The following IRAG2 variants were observed in gnomAD, a reference collection of about 807,000 sequenced individuals.
IRAG2 encodes the protein lymphoid restricted membrane protein.
Under a neutral mutation model 69.9 loss-of-function variants are expected in IRAG2, and 45 were observed. The ratio of observed to expected loss-of-function variants is 0.64; its 90% CI spans 0.51 to 0.83. The LOEUF is 0.83. IRAG2 is among the 40% of genes least tolerant of loss of function. The pLI, the probability that IRAG2 is intolerant of heterozygous loss-of-function variation, is 0.00. For synonymous variants in IRAG2, 193 were observed against 202.4 expected (o/e 0.95, Z 0.40); for missense variants, 520 against 587.0 (o/e 0.89, Z 1.18).
At chr12:25,102,495 T>G in intron 17 of IRAG2, 1 of 460,156 alleles carries the variant, frequency 2.2e-6, no homozygotes, top group Non-Finnish European at 3.9e-6. Flanking sequence ...TGGAAGTGGG[T>G]AACCCGACAA....
chr12:25,019,898 C>T (rs569123305), intron 6 of IRAG2, among the ~76,000 whole-genome samples: 104 of 152,246 alleles, frequency 6.8e-4, no homozygotes, highest in Middle Eastern at 3.4e-3. Context: ...TTCTAGTTAC[C>T]TAAAAGCCAG....
chr12:25,089,849 A>C lies in IRAG2; in HGVS notation c.465+59A>C, dbSNP rs369885466. The C allele has an allele frequency of 9.7e-5, 150 of 1,540,860 alleles. 1 individual carries two copies. The highest frequency in any genetic ancestry group is 9.2e-5 in the Non-Finnish European group (103 of 1,117,562). ...AAAGTGTTCCAGACTCACCTGCTACAGTCACTTCATGTTTTGGCACAAGCT... is the reference window on the plus strand; with the variant it reads ...AAAGTGTTCCAGACTCACCTGCTACCGTCACTTCATGTTTTGGCACAAGCT... On this transcript the variant is annotated intron_variant, in intron 13 of 21. Coordinates refer to ENST00000556887, the MANE Select transcript of IRAG2 (RefSeq NM_001366544.2).
At position 25,088,164 on chromosome 12, in the gene IRAG2, A is replaced by T. The variant is rs1353699301; in HGVS notation, c.373+7A>T. 6.2e-7 allele frequency: 1 copy of T among 1,610,760 alleles called. No individual in the cohort carries two copies. Among genetic ancestry groups the T allele is most frequent in the East Asian group, 2.2e-5 (1 of 44,838 alleles). The stretch of plus-strand genomic sequence containing the variant: ...AAAGAACATGCTTCAGGAGGTAAGG[A>T]ATGTTTCTTTCAATCCCCATGTGAA... On this transcript the variant is annotated splice_region_variant and intron_variant, in intron 11 of 21. Transcript: ENST00000556887.
At chr12:25,012,317 G>C (rs560159115) in intron 3 of IRAG2, among the ~76,000 whole-genome samples, 1 of 151,522 alleles carries the variant, frequency 6.6e-6, no homozygotes, top group Non-Finnish European at 1.5e-5. Context: ...ACCATGCCCG[G>C]CTAATGCTTG....
At chr12:25,097,883 C>T (rs1948515324) in intron 15 of IRAG2, among the ~76,000 whole-genome samples, 2 of 152,202 alleles carry the variant, frequency 1.3e-5, no homozygotes, top group African/African-American at 4.8e-5. Flanking sequence ...TTTGTATTTG[C>T]ATTCACATTT....
chr12:25,075,546 GTGTGTGTGTGTA>G (rs1478411836), intron 6 of IRAG2, among the ~76,000 whole-genome samples: 19 of 147,018 alleles, frequency 1.3e-4, no homozygotes, highest in South Asian at 2.2e-4. Flanking sequence ...GTGTGTGTGT[GTGTGTGTGTGTA>G]TGTGTGTCTC....
At chr12:25,107,741 C>A in intron 21 of IRAG2, 76 bp from the exon 22 acceptor site, 3 of 1,402,676 alleles carry the variant, frequency 2.1e-6, no homozygotes, top group Non-Finnish European at 3.0e-6. Context: ...GATCACCTGA[C>A]TGGTGGTGTT....
chr12:25,065,797 G>A (rs560040791), intron 4 of IRAG2, among the ~76,000 whole-genome samples: 22 of 152,302 alleles, frequency 1.4e-4, no homozygotes, highest in Admixed American at 8.5e-4. Flanking sequence ...AGCCCCCCAA[G>A]TAGCTGGGAC....
the IRAG2 span, among the ~76,000 whole-genome samples, chr12:24,998,168 A>T: frequency 1.3e-5 from 2 of 152,232 alleles, no homozygotes; most frequent in African/African-American, 4.8e-5. Flanking sequence ...TTTCAGAAGC[A>T]TGTGTCACTC....
chr12:25,085,170 C>T (rs1024299331), intron 10 of IRAG2, among the ~76,000 whole-genome samples: 80 of 152,370 alleles, frequency 5.3e-4, no homozygotes, highest in African/African-American at 1.9e-3. Flanking sequence ...AGCCTTATCA[C>T]AAGGGCAGAG....
At chr12:25,001,325 G>T (rs1043724810), upstream of IRAG2, among the ~76,000 whole-genome samples, 1 of 151,942 alleles carries the variant, frequency 6.6e-6, no homozygotes, top group Admixed American at 6.6e-5. Context: ...CACGCCTGTG[G>T]TCCCAGCTAC....
At chr12:25,015,154 T>TG in intron 3 of IRAG2, 2 of 1,013,076 alleles carry the variant, frequency 2.0e-6, no homozygotes, top group South Asian at 5.1e-5. Flanking sequence ...TCACTGGTTT[T>TG]GTTTTTTTTT....
At chr12:25,027,538 G>T (rs1944633263) in intron 9 of IRAG2, among the ~76,000 whole-genome samples, 1 of 151,720 alleles carries the variant, frequency 6.6e-6, no homozygotes, top group Non-Finnish European at 1.5e-5. Flanking sequence ...GGGCCTACAG[G>T]CACCCGCCAC....
chr12:25,065,104 GA>G (rs1945890530), intron 4 of IRAG2, among the ~76,000 whole-genome samples: 1 of 151,206 alleles, frequency 6.6e-6, no homozygotes, highest in Admixed American at 6.6e-5. Context: ...AAAAAAAAGA[GA>G]GAGAGAAAGA....
At chr12:25,010,950 G>A (rs1166567564) in intron 2 of IRAG2, among the ~76,000 whole-genome samples, 1 of 152,174 alleles carries the variant, frequency 6.6e-6, no homozygotes, top group South Asian at 2.1e-4. Context: ...TTTAACTAAA[G>A]TAGAGAAAAA....
At chr12:25,042,123 A>G (rs1333349675) in intron 16 of IRAG2, among the ~76,000 whole-genome samples, 1 of 152,066 alleles carries the variant, frequency 6.6e-6, no homozygotes, top group Non-Finnish European at 1.5e-5. Context: ...ATAGTCATGG[A>G]AGTGATAAGA....
At chr12:25,048,238 G>A (rs919784073), upstream of IRAG2, among the ~76,000 whole-genome samples, 1 of 152,006 alleles carries the variant, frequency 6.6e-6, no homozygotes, top group Non-Finnish European at 1.5e-5. Flanking sequence ...CATGTTTGTT[G>A]GCCATGTGAA....
rs71063386 is a variant in IRAG2 at position 25,013,866 on chromosome 12, CTTTTTTTTTTTTTTTTTTT to C, written c.897-1308_897-1290del. 3.8e-5 allele frequency among the ~76,000 whole-genome samples: 3 copies of C among 79,530 alleles called. No individual in the cohort carries two copies. In the South Asian group the frequency reaches 1.5e-3, roughly 40 times the overall value. The allele number at this position is 79,530 out of a possible 152,430, so 52.2% of individuals were successfully genotyped here. A position where few individuals can be genotyped will look rare whatever the true frequency, so the allele number is the denominator to read the frequency against. ...GGTTTTAATTTTTTGTTTTCTTTTT[CTTTTTTTTTTTTTTTTTTT>C]TTTTTTTGAGACAGAGTCTCGCTCT... On this transcript the variant is annotated intron_variant, in intron 3 of 38. Transcript: ENST00000636465.
chr12:25,096,376 CTG>C (rs938204865), intron 14 of IRAG2, among the ~76,000 whole-genome samples: 81 of 152,238 alleles, frequency 5.3e-4, no homozygotes, highest in Non-Finnish European at 9.4e-4. Flanking sequence ...TTAATCCTGT[CTG>C]TACTCTGGTG....
Sources: gnomAD v4.1 joint callset for allele counts (sites outside exome capture counted in the v4.1 genomes callset) on GRCh38, gnomAD v4.1.1 for gene constraint, MANE v1.5 for transcripts, NCBI Gene and HGNC (gene_info 2026-07-23, HGNC 2026-07-21) for gene names.